The following KDM4C variants were observed in gnomAD, a reference collection of about 807,000 sequenced individuals.
KDM4C encodes lysine demethylase 4C.
Under a neutral mutation model 129.3 loss-of-function variants are expected in KDM4C, and 81 were observed. The observed-to-expected ratio is 0.63, with a 90% CI of 0.52 to 0.75. The LOEUF (loss-of-function observed/expected upper bound fraction) is 0.75. Among genes scored for constraint, KDM4C ranks in the 30% least tolerant of loss-of-function variants. The probability of loss-of-function intolerance (pLI) is 0.00; values close to 1 mark genes in which losing one functional copy is unlikely to be tolerated. For synonymous variants in KDM4C, 573 were observed against 456.1 expected (o/e 1.26, Z -3.26); for missense variants, 1,457 against 1,304.0 (o/e 1.12, Z -1.81).
At position 6,757,977 on chromosome 9, in the gene KDM4C, C is replaced by T; in HGVS notation, c.-244C>T. 3 of 985,362 alleles carry T rather than the reference C, an allele frequency of 3.0e-6. No homozygotes were observed. The highest frequency in any genetic ancestry group is 5.2e-4 in the Middle Eastern group (1 of 1,912). The allele number at this position is 985,362 out of a possible 1,614,324, so 61.0% of individuals were successfully genotyped here. On this transcript the variant is annotated 5_prime_UTR_variant, in exon 1 of 22. Coordinates refer to ENST00000381309, the MANE Select transcript of KDM4C (RefSeq NM_015061.6). ...CGCGCGCGCCCTCGCGCAGGGAGAG[C>T]CGGCGGTGCGCGCGCCTTCGCCGCT...
chr9:6,800,641 T>C (rs1158135465), intron 2 of KDM4C, among the ~76,000 whole-genome samples: 3 of 152,208 alleles, frequency 2.0e-5, no homozygotes, highest in Non-Finnish European at 2.9e-5. Flanking sequence ...TATTTAGTTC[T>C]TTTGAGACAG....
chr9:6,723,232 A>C (rs768710456), intron 1 of KDM4C, among the ~76,000 whole-genome samples: 15 of 151,676 alleles, frequency 9.9e-5, no homozygotes, highest in Admixed American at 1.3e-4. Context: ...AAAGTTAGCC[A>C]GGCGTGGTGG....
In KDM4C at chr9:6,759,940, C is replaced by CA. The variant is rs1178745095; in HGVS notation, c.-18+1751dup. On this transcript the variant is annotated intron_variant, in intron 1 of 21. Coordinates refer to ENST00000381309, the MANE Select transcript of KDM4C (RefSeq NM_015061.6). ...TGGGTGACAGACTGAGACTCCATCT[C>CA]AAAAAAAAAAAAAAGTAAAAATATA... Among the ~76,000 whole-genome samples, 703 of 78,676 alleles carry CA rather than the reference C, an allele frequency of 8.9e-3. 8 individuals are homozygous for CA. The highest frequency in any genetic ancestry group is 0.03 in the African/African-American group (627 of 20,596). The allele number at this position is 78,676 out of a possible 152,430, so 51.6% of individuals were successfully genotyped here.
intron 8 of KDM4C, among the ~76,000 whole-genome samples, chr9:6,943,781 G>C (rs1826392630): frequency 6.6e-6 from 1 of 152,184 alleles, no homozygotes; most frequent in Non-Finnish European, 1.5e-5. Context: ...GGAATGGAAG[G>C]CCTTCTGTGT....
At chr9:7,040,910 T>C (rs1425909423) in intron 15 of KDM4C, among the ~76,000 whole-genome samples, 1 of 152,012 alleles carries the variant, frequency 6.6e-6, no homozygotes, top group African/African-American at 2.4e-5. Context: ...TTTTGATCTG[T>C]AGGTTGATAT....
intron 8 of KDM4C, among the ~76,000 whole-genome samples, chr9:6,959,266 A>C (rs988644403): frequency 6.6e-6 from 1 of 152,154 alleles, no homozygotes; most frequent in Non-Finnish European, 1.5e-5. Context: ...GTAGTCCCAG[A>C]TGTTACTTTT....
chr9:7,083,710 G>GGTGTGT (rs1257662179), intron 17 of KDM4C, among the ~76,000 whole-genome samples: 41 of 65,526 alleles, frequency 6.3e-4, no homozygotes, highest in South Asian at 2.7e-3. Flanking sequence ...GCACATGACT[G>GGTGTGT]ATGTGTGTGT....
At chr9:6,744,163 G>A (rs1490222076) in intron 1 of KDM4C, among the ~76,000 whole-genome samples, 3 of 152,002 alleles carry the variant, frequency 2.0e-5, no homozygotes, top group Non-Finnish European at 2.9e-5. Flanking sequence ...TAGCAACAGC[G>A]TTTGGAAAAA....
chr9:7,142,948 A>G (rs1841902058), intron 19 of KDM4C, among the ~76,000 whole-genome samples: 1 of 152,180 alleles, frequency 6.6e-6, no homozygotes, highest in Non-Finnish European at 1.5e-5. Flanking sequence ...CATCCTGTAT[A>G]TTGTTAATGT....
At chr9:6,757,728 G>A, upstream of KDM4C, 1 of 985,638 alleles carries the variant, frequency 1.0e-6, no homozygotes, top group Non-Finnish European at 1.2e-6. Context: ...CAGCGCTTCC[G>A]GGCAAGGTTC....
chr9:6,964,905 G>GA (rs1830676945), intron 8 of KDM4C, among the ~76,000 whole-genome samples: 2 of 151,796 alleles, frequency 1.3e-5, no homozygotes. Context: ...AGTGAGCCGA[G>GA]ATCGCGCCAT....
chr9:6,905,806 C>G (rs970374317), intron 8 of KDM4C, among the ~76,000 whole-genome samples: 2 of 152,158 alleles, frequency 1.3e-5, no homozygotes, highest in Non-Finnish European at 2.9e-5. Flanking sequence ...CAGCCTGTGA[C>G]TTCATTCAGC....
intron 17 of KDM4C, chr9:7,076,518 G>C: frequency 6.5e-7 from 1 of 1,545,820 alleles, no homozygotes; most frequent in Non-Finnish European, 8.7e-7. Flanking sequence ...AATTCATTAG[G>C]AAAGTTACAT....
intron 8 of KDM4C, among the ~76,000 whole-genome samples, chr9:6,900,517 C>T (rs1330080189): frequency 6.6e-6 from 1 of 152,212 alleles, no homozygotes; most frequent in African/African-American, 2.4e-5. Context: ...CGCCTGTCAT[C>T]CCAGCACTTT....
chr9:6,725,602 C>G (rs1457414325), intron 1 of KDM4C, among the ~76,000 whole-genome samples: 2 of 150,954 alleles, frequency 1.3e-5, no homozygotes, highest in South Asian at 2.1e-4. Context: ...ATTCTCCTGC[C>G]TCAGCCTCCC....
chr9:6,993,438 T>A (rs1376210355), intron 12 of KDM4C, among the ~76,000 whole-genome samples: 1 of 152,256 alleles, frequency 6.6e-6, no homozygotes, highest in East Asian at 1.9e-4. Context: ...TATTGCCCAG[T>A]TGTTTAAAAA....
chr9:6,738,206 G>C (rs1817588773), intron 1 of KDM4C, among the ~76,000 whole-genome samples: 1 of 150,180 alleles, frequency 6.7e-6, no homozygotes, highest in South Asian at 2.1e-4. Context: ...GCCGGGCCTG[G>C]TGGCTCACAC....
At chr9:7,040,513 C>T (rs553721628) in intron 15 of KDM4C, among the ~76,000 whole-genome samples, 3 of 151,994 alleles carry the variant, frequency 2.0e-5, no homozygotes, top group Admixed American at 6.6e-5. Flanking sequence ...TCCTTGGTAA[C>T]GTGTGATTTC....
At chr9:6,785,936 CCTT>C (rs1428648216) in intron 1 of KDM4C, among the ~76,000 whole-genome samples, 1 of 152,210 alleles carries the variant, frequency 6.6e-6, no homozygotes, top group African/African-American at 2.4e-5. Context: ...GGCCCAGAAT[CCTT>C]CTTTTTCTAG....
Sources: gnomAD v4.1 joint callset for allele counts (sites outside exome capture counted in the v4.1 genomes callset) on GRCh38, gnomAD v4.1.1 for gene constraint, MANE v1.5 for transcripts, NCBI Gene and HGNC (gene_info 2026-07-23, HGNC 2026-07-21) for gene names.